The following TBXAS1 variants were observed in gnomAD, a reference collection of about 807,000 sequenced individuals.
TBXAS1 encodes the protein thromboxane A synthase 1.
Under a neutral mutation model 60.7 loss-of-function variants are expected in TBXAS1, and 48 were observed. The observed-to-expected ratio is 0.79, with a 90% CI of 0.63 to 1.01. The LOEUF (loss-of-function observed/expected upper bound fraction) is 1.01, where lower values mean the gene tolerates loss of function less well. Ranked by LOEUF, TBXAS1 falls within the 50% of genes least tolerant of loss-of-function variation. The probability of loss-of-function intolerance (pLI) is 0.00; values close to 1 mark genes in which losing one functional copy is unlikely to be tolerated. For missense variants in TBXAS1, 685 were observed against 686.3 expected, an observed-to-expected ratio of 1.00 and a Z score of 0.02; for synonymous variants, 287 against 269.7, an observed-to-expected ratio of 1.06 and a Z score of -0.63.
At chr7:139,881,870 T>C (rs748399631) in intron 3 of TBXAS1, among the ~76,000 whole-genome samples, 1 of 152,212 alleles carries the variant, frequency 6.6e-6, no homozygotes, top group Admixed American at 6.5e-5. Context: ...ATTTTTAAAA[T>C]TTAATTAGCT....
chr7:140,002,020 G>C (rs1186626626), intron 9 of TBXAS1, among the ~76,000 whole-genome samples: 1 of 152,148 alleles, frequency 6.6e-6, no homozygotes, highest in African/African-American at 2.4e-5. Context: ...TGGAAGCTCC[G>C]AGAGGCTAGG....
chr7:139,979,845 A>G (rs1464849904), intron 9 of TBXAS1, among the ~76,000 whole-genome samples: 2 of 151,694 alleles, frequency 1.3e-5, no homozygotes, highest in East Asian at 3.8e-4. Context: ...TTTATGTAAC[A>G]TTTGACAAGT....
At chr7:139,991,026 T>C (rs1236567394) in intron 9 of TBXAS1, among the ~76,000 whole-genome samples, 1 of 152,000 alleles carries the variant, frequency 6.6e-6, no homozygotes, top group East Asian at 1.9e-4. Context: ...CCAAAACAAA[T>C]TGCCGCAATT....
intron 1 of TBXAS1, among the ~76,000 whole-genome samples, chr7:139,853,293 T>C (rs1800356893): frequency 6.6e-6 from 1 of 152,058 alleles, no homozygotes; most frequent in African/African-American, 2.4e-5. Context: ...GCATCCCCCG[T>C]CTTACAGATA....
intron 8 of TBXAS1, among the ~76,000 whole-genome samples, chr7:139,961,016 T>C (rs1810291661): frequency 6.6e-6 from 1 of 152,058 alleles, no homozygotes; most frequent in South Asian, 2.1e-4. Flanking sequence ...AGAGGCGATA[T>C]AGAAACACTC....
Position 139,778,453 on chromosome 7 carries a change from C to A in TBXAS1, c.-336C>A. 6.5e-6 allele frequency: 1 copy of A among 153,080 alleles called. No homozygotes were observed. The highest frequency in any genetic ancestry group is 1.5e-5 in the Non-Finnish European group (1 of 68,212). The allele number at this position is 153,080 out of a possible 1,614,324, so 9.5% of individuals were successfully genotyped here. On this transcript the variant is annotated 5_prime_UTR_variant, in exon 1 of 17. Transcript: ENST00000336425. The surrounding 1 kb of genome is among the most constrained non-coding windows in gnomAD (Gnocchi z 4.8). ...GCAAAGTGGCTCGCCCATCTCACAG[C>A]CGGTTGGCGCTCGCGGAGGTAGGAG... is the stretch of plus-strand genomic sequence containing the variant.
At chr7:139,849,383 C>CA (rs1800049211) in intron 1 of TBXAS1, among the ~76,000 whole-genome samples, 1 of 139,808 alleles carries the variant, frequency 7.2e-6, no homozygotes, top group African/African-American at 2.9e-5. Context: ...AAAAAAAACA[C>CA]AAAAAACAAA....
rs1168672134 is a variant in TBXAS1 at position 139,957,787 on chromosome 7, A to G, written c.819+23A>G. 3 of 1,613,772 alleles carry G rather than the reference A, an allele frequency of 1.9e-6. No homozygotes were observed. The Admixed American group carries it at 5.0e-5, about 27-fold the overall frequency. On this transcript the variant is annotated intron_variant, in intron 8 of 12. Coordinates refer to ENST00000448866, the MANE Select transcript of TBXAS1 (RefSeq NM_001061.7). ...GAGGTAACGTATTTTAATAGGACAC[A>G]GCCTTGAAATGGAATGGAGCCGACT...
At chr7:139,797,781 TAC>T (rs1797610953) in intron 4 of TBXAS1, among the ~76,000 whole-genome samples, 1 of 152,210 alleles carries the variant, frequency 6.6e-6, no homozygotes, top group South Asian at 2.1e-4. Flanking sequence ...ACAGCTGAGA[TAC>T]AGTGTTCAAA....
chr7:139,972,525 A>G (rs752049211), intron 9 of TBXAS1, among the ~76,000 whole-genome samples: 1 of 152,184 alleles, frequency 6.6e-6, no homozygotes, highest in Admixed American at 6.5e-5. Flanking sequence ...CCCAACAATT[A>G]GCTCTTGAAA....
At chr7:139,781,376 C>G (rs1220334288) in intron 2 of TBXAS1, among the ~76,000 whole-genome samples, 1 of 152,120 alleles carries the variant, frequency 6.6e-6, no homozygotes, top group Non-Finnish European at 1.5e-5. Flanking sequence ...GGATCTGTGA[C>G]AGAACCTGGG....
At chr7:140,010,974 C>CA (rs1814559598) in intron 10 of TBXAS1, among the ~76,000 whole-genome samples, 4 of 148,804 alleles carry the variant, frequency 2.7e-5, no homozygotes. Flanking sequence ...CAAAACAAAA[C>CA]CAAAAAAAAA....
intron 9 of TBXAS1, among the ~76,000 whole-genome samples, chr7:139,969,553 A>G (rs1811044138): frequency 6.6e-6 from 1 of 152,122 alleles, no homozygotes; most frequent in African/African-American, 2.4e-5. Context: ...TGAGCAGGAA[A>G]AAAAGTGAAT....
chr7:139,798,728 T>A (rs1320012693), intron 4 of TBXAS1, among the ~76,000 whole-genome samples: 1 of 152,218 alleles, frequency 6.6e-6, no homozygotes, highest in East Asian at 1.9e-4. Flanking sequence ...CAAGGAAGCT[T>A]CGGAATTTTC....
intron 2 of TBXAS1, among the ~76,000 whole-genome samples, chr7:139,781,837 CAAAAAAA>C (rs200999267): frequency 1.5e-5 from 1 of 67,314 alleles, no homozygotes; most frequent in Non-Finnish European, 2.7e-5. Flanking sequence ...AATTCCATCT[CAAAAAAA>C]AAAAAAAAAA....
intron 1 of TBXAS1, among the ~76,000 whole-genome samples, chr7:139,863,180 T>G (rs955598069): frequency 2.0e-5 from 3 of 152,310 alleles, no homozygotes; most frequent in African/African-American, 7.2e-5. Flanking sequence ...CTATTGTAAA[T>G]TATAATAATA....
chr7:140,014,442 T>C (rs1388238469), intron 10 of TBXAS1, among the ~76,000 whole-genome samples: 6 of 151,900 alleles, frequency 3.9e-5, no homozygotes, highest in Non-Finnish European at 8.8e-5. Flanking sequence ...TAGGAGATAA[T>C]GGAAGTTGAA....
chr7:139,817,711 A>G (rs1798186237), intron 4 of TBXAS1, among the ~76,000 whole-genome samples: 1 of 152,130 alleles, frequency 6.6e-6, no homozygotes, highest in African/African-American at 2.4e-5. Context: ...TCAAGAACTC[A>G]CTGCTCTCTC....
chr7:139,947,392 C>T (rs954311131), intron 5 of TBXAS1, among the ~76,000 whole-genome samples: 2 of 151,982 alleles, frequency 1.3e-5, no homozygotes, highest in Non-Finnish European at 2.9e-5. Context: ...AGGAGGAGAA[C>T]AACACACACT....
Sources: gnomAD v4.1 joint callset for allele counts (sites outside exome capture counted in the v4.1 genomes callset) on GRCh38, gnomAD v4.1.1 for gene constraint, Gnocchi (gnomAD v3.1) non-coding constraint, MANE v1.5 for transcripts, NCBI Gene and HGNC (gene_info 2026-07-23, HGNC 2026-07-21) for gene names.